ANKRD31: variants seen among roughly 807,000 people sequenced by gnomAD.
ANKRD31 encodes ankyrin repeat domain 31.
In ANKRD31, 147 loss-of-function variants were observed where a neutral mutation model predicts 186.0. That is an observed-to-expected ratio of 0.79 (90% CI 0.69 to 0.91). The LOEUF is 0.91. ANKRD31 is among the 40% of genes least tolerant of loss of function. The pLI, the probability that ANKRD31 is intolerant of heterozygous loss-of-function variation, is 0.00. For missense variants in ANKRD31, 1,986 were observed against 2,148.8 expected (o/e 0.92, Z 1.50); for synonymous variants, 673 against 736.4 (o/e 0.91, Z 1.39).
At chr5:75,110,032 A>G (rs1476729265) in intron 20 of ANKRD31, among the ~76,000 whole-genome samples, 1 of 152,164 alleles carries the variant, frequency 6.6e-6, no homozygotes, top group East Asian at 1.9e-4. Flanking sequence ...TTACCATCCA[A>G]GAGCTCCAGG....
chr5:75,111,022 A>G (rs1747738821), intron 20 of ANKRD31, among the ~76,000 whole-genome samples: 1 of 151,994 alleles, frequency 6.6e-6, no homozygotes, highest in Non-Finnish European at 1.5e-5. Flanking sequence ...ATTGTAGAAC[A>G]GCAAAAAATT....
chr5:75,075,714 T>C (rs1159656236), intron 25 of ANKRD31, among the ~76,000 whole-genome samples: 1 of 152,166 alleles, frequency 6.6e-6, no homozygotes. Flanking sequence ...TAAAGACACC[T>C]AAAAAGACTG....
At chr5:75,230,716 T>C (rs1033935568) in intron 1 of ANKRD31, 81 bp from the exon 2 acceptor site, 22 of 1,043,292 alleles carry the variant, frequency 2.1e-5, no homozygotes, top group East Asian at 8.1e-5. Context: ...ATTTTTATTA[T>C]ACCAAAACTT....
intron 7 of ANKRD31, among the ~76,000 whole-genome samples, chr5:75,194,999 A>AT (rs1561525915): frequency 6.6e-6 from 1 of 152,148 alleles, no homozygotes; most frequent in Non-Finnish European, 1.5e-5. Context: ...ATTATTTTTA[A>AT]AAACAAAGAA....
At chr5:75,070,951 G>T (rs1305554539) in intron 25 of ANKRD31, among the ~76,000 whole-genome samples, 1 of 152,260 alleles carries the variant, frequency 6.6e-6, no homozygotes, top group East Asian at 1.9e-4. Flanking sequence ...TGTCTGCATT[G>T]ATTTGGTCAA....
intron 3 of ANKRD31, among the ~76,000 whole-genome samples, chr5:75,212,456 A>G (rs1401342684): frequency 6.6e-6 from 1 of 152,116 alleles, no homozygotes; most frequent in Non-Finnish European, 1.5e-5. Flanking sequence ...CTACAAAAAC[A>G]AAAACAACAA....
At chr5:75,115,464 A>T (rs548385102) in intron 19 of ANKRD31, among the ~76,000 whole-genome samples, 53 of 152,050 alleles carry the variant, frequency 3.5e-4, no homozygotes, top group African/African-American at 1.2e-3. Context: ...CATCAGAGTG[A>T]ACAGGCAACC....
At position 75,152,141 on chromosome 5, in the gene ANKRD31, T is replaced by G. The variant is rs185357425; in HGVS notation, c.1852+2060A>C. Among the ~76,000 whole-genome samples, 37 of 152,200 alleles carry G rather than the reference T, an allele frequency of 2.4e-4. 1 individual carries two copies. Among genetic ancestry groups the G allele is most frequent in the African/African-American group, 8.4e-4 (35 of 41,564 alleles). ...TAGATCCCTGGAGCTGCTTTTATTC[T>G]TGACCTTTCCAAGGTCTGGATCTTC... On this transcript the variant is annotated intron_variant, in intron 12 of 25. Coordinates refer to ENST00000506364, the MANE Select transcript of ANKRD31 (RefSeq NM_001372053.1).
chr5:75,114,689 C>A (rs909680299), intron 19 of ANKRD31, among the ~76,000 whole-genome samples: 1 of 152,102 alleles, frequency 6.6e-6, no homozygotes, highest in Admixed American at 6.6e-5. Context: ...ACCTAGGAAT[C>A]CAACTTACAA....
chr5:75,094,967 T>A (rs1746201888), intron 22 of ANKRD31, among the ~76,000 whole-genome samples: 1 of 152,166 alleles, frequency 6.6e-6, no homozygotes, highest in African/African-American at 2.4e-5. Flanking sequence ...CTAAGAGGCT[T>A]GATGCATCAG....
intron 17 of ANKRD31, among the ~76,000 whole-genome samples, chr5:75,122,293 AC>A (rs200581934): frequency 9.6e-6 from 1 of 104,132 alleles, no homozygotes; most frequent in Non-Finnish European, 1.7e-5. Context: ...AATCCTCCCA[AC>A]AAAAAAAAAA....
chr5:75,157,311 G>A (rs1752251221), intron 11 of ANKRD31, among the ~76,000 whole-genome samples: 1 of 152,196 alleles, frequency 6.6e-6, no homozygotes, highest in Non-Finnish European at 1.5e-5. Flanking sequence ...TTGTGTGAAA[G>A]CAGAACTTAT....
chr5:75,104,832 G>T lies in ANKRD31; in HGVS notation c.4727C>A (p.Ser1576Tyr). The part of the protein sequence containing the change: ...RGEFSGNDMN[S>Y]KQNGSDCTLD... ...GGTACAATCACTGCCATTTTGTTTAGAATTCATATCATTTCCAGAAAATTC... is the reference window on the plus strand; with the variant it reads ...GGTACAATCACTGCCATTTTGTTTATAATTCATATCATTTCCAGAAAATTC... Residue 1576 changes from serine (S) to tyrosine (Y), a missense_variant, in exon 22 of 26, where the codon TCT becomes TAT. Coordinates refer to ENST00000506364, the MANE Select transcript of ANKRD31 (RefSeq NM_001372053.1). 4 of 1,537,104 alleles carry T rather than the reference G, an allele frequency of 2.6e-6. No homozygotes were observed. Among genetic ancestry groups the T allele is most frequent in the Non-Finnish European group, 2.6e-6 (3 of 1,146,874 alleles).
intron 3 of ANKRD31, among the ~76,000 whole-genome samples, chr5:75,214,487 C>T (rs1756843683): frequency 6.6e-6 from 1 of 152,202 alleles, no homozygotes; most frequent in Non-Finnish European, 1.5e-5. Flanking sequence ...CAATTTATTA[C>T]TCAGTGAGGC....
At chr5:75,137,238 G>T (rs916601903) in intron 17 of ANKRD31, among the ~76,000 whole-genome samples, 2 of 151,976 alleles carry the variant, frequency 1.3e-5, no homozygotes, top group African/African-American at 4.8e-5. Flanking sequence ...AATTATTACT[G>T]GTCTATATTG....
At chr5:75,161,261 TG>T (rs1302876328) in intron 11 of ANKRD31, among the ~76,000 whole-genome samples, 7 of 152,146 alleles carry the variant, frequency 4.6e-5, no homozygotes, top group Non-Finnish European at 7.4e-5. Flanking sequence ...TGGTCTCAGA[TG>T]GAGATGAGGA....
At chr5:75,086,651 A>C (rs1032729593) in intron 23 of ANKRD31, among the ~76,000 whole-genome samples, 1 of 152,168 alleles carries the variant, frequency 6.6e-6, no homozygotes, top group South Asian at 2.1e-4. Context: ...AACATGTAAG[A>C]GAGATGGAGC....
At chr5:75,163,105 T>C (rs1334459090) in intron 11 of ANKRD31, among the ~76,000 whole-genome samples, 1 of 152,220 alleles carries the variant, frequency 6.6e-6, no homozygotes, top group Non-Finnish European at 1.5e-5. Flanking sequence ...TTTATTTTGG[T>C]AGTTCTTTTT....
intron 17 of ANKRD31, among the ~76,000 whole-genome samples, chr5:75,133,318 C>A (rs1561456507): frequency 6.6e-6 from 1 of 151,884 alleles, no homozygotes; most frequent in Non-Finnish European, 1.5e-5. Context: ...GGAGGAAGAT[C>A]TACCAAGCAA....
Sources: allele counts gnomAD v4.1 joint callset (sites outside exome capture counted in the v4.1 genomes callset), GRCh38; gene constraint gnomAD v4.1.1; transcripts MANE v1.5; gene names NCBI Gene and HGNC (gene_info 2026-07-23, HGNC 2026-07-21).